Variants in DYSF observed in about 807,000 individuals in gnomAD.
DYSF encodes dystrophy-associated fer-1-like 1.
DYSF carries 212 observed loss-of-function variants against 274.9 expected under a neutral mutation model. The observed-to-expected ratio is 0.77, with a 90% CI of 0.69 to 0.86. DYSF has a LOEUF of 0.86. DYSF is among the 40% of genes least tolerant of loss of function. The probability of loss-of-function intolerance (pLI) is 0.00; values close to 1 mark genes in which losing one functional copy is unlikely to be tolerated. For synonymous variants in DYSF, 1,091 were observed against 1,078.7 expected (o/e 1.01, Z -0.22); for missense variants, 2,666 against 2,783.2 (o/e 0.96, Z 0.95).
At chr2:71,612,186 C>G (rs185171287) in intron 38 of DYSF, among the ~76,000 whole-genome samples, 2 of 152,204 alleles carry the variant, frequency 1.3e-5, no homozygotes, top group African/African-American at 4.8e-5. Flanking sequence ...CTTGGCCGAG[C>G]CAAAGCCGCC....
intron 17 of DYSF, among the ~76,000 whole-genome samples, chr2:71,544,886 T>C (rs187864732): frequency 4.3e-4 from 65 of 152,350 alleles, no homozygotes; most frequent in African/African-American, 1.5e-3. Flanking sequence ...ATATGCCTTC[T>C]GTCAGGGGCT....
In DYSF at chr2:71,520,921, G is replaced by A. The variant is rs760153119; in HGVS notation, c.1149+17G>A. Reference sequence around the variant, plus strand: ...GAAGCGCCTGTGAGTACATTTCCCTGGGTCTTCCTTACGGTCCCCCACGCG... The same window carrying A: ...GAAGCGCCTGTGAGTACATTTCCCTAGGTCTTCCTTACGGTCCCCCACGCG... On this transcript the variant is annotated intron_variant, in intron 12 of 55. Transcript: ENST00000410020. The A allele has an allele frequency of 1.6e-5, 25 of 1,612,874 alleles. No individual in the cohort carries two copies. Among genetic ancestry groups the A allele is most frequent in the Non-Finnish European group, 2.0e-5 (24 of 1,178,960 alleles).
chr2:71,621,898 A>G lies in DYSF; in HGVS notation c.4527+1289A>G, dbSNP rs143985687. Among the ~76,000 whole-genome samples the G allele has an allele frequency of 3.1e-3, 468 of 152,056 alleles. 1 individual carries two copies. The highest frequency in any genetic ancestry group is 8.1e-3 in the African/African-American group (338 of 41,522). Reference sequence around the variant, plus strand: ...CTGGTCTCGGACTCCTGATCTCATGATCTGCCCGCCTCGGCCTCCCAAAGT... The same window carrying G: ...CTGGTCTCGGACTCCTGATCTCATGGTCTGCCCGCCTCGGCCTCCCAAAGT... On this transcript the variant is annotated intron_variant, in intron 41 of 55. Transcript: ENST00000410020.
At chr2:71,585,411 A>G (rs942392347) in intron 30 of DYSF, among the ~76,000 whole-genome samples, 11 of 152,196 alleles carry the variant, frequency 7.2e-5, no homozygotes, top group African/African-American at 2.4e-4. Flanking sequence ...AATGCCTGGC[A>G]CAGAGTAGGT....
intron 17 of DYSF, among the ~76,000 whole-genome samples, chr2:71,544,372 G>A (rs530330976): frequency 1.3e-5 from 2 of 152,008 alleles, no homozygotes; most frequent in Non-Finnish European, 2.9e-5. Context: ...GCTGGAGATC[G>A]TCTCCAGATT....
chr2:71,650,192 C>T (rs2094631800), intron 42 of DYSF, among the ~76,000 whole-genome samples: 1 of 152,132 alleles, frequency 6.6e-6, no homozygotes, highest in Non-Finnish European at 1.5e-5. Context: ...ACAAAAATGT[C>T]AGAGGAGGCC....
At chr2:71,506,529 C>G (rs931608015) in intron 4 of DYSF, among the ~76,000 whole-genome samples, 2 of 152,144 alleles carry the variant, frequency 1.3e-5, no homozygotes, top group African/African-American at 4.8e-5. Context: ...GCGCGGGACC[C>G]GTGACGTGGA....
upstream of DYSF, among the ~76,000 whole-genome samples, chr2:71,462,472 C>T (rs1423706469): frequency 6.6e-6 from 1 of 152,222 alleles, no homozygotes; most frequent in African/African-American, 2.4e-5. Context: ...GTTCTCGTTG[C>T]CTGCAACATG....
At chr2:71,483,884 C>G (rs1296490349) in intron 3 of DYSF, among the ~76,000 whole-genome samples, 1 of 151,876 alleles carries the variant, frequency 6.6e-6, no homozygotes, top group Non-Finnish European at 1.5e-5. Flanking sequence ...TGGTGTTGGT[C>G]TCTTCTGGAG....
chr2:71,496,471 A>G (rs1400572756), intron 3 of DYSF, among the ~76,000 whole-genome samples: 1 of 152,166 alleles, frequency 6.6e-6, no homozygotes, highest in African/African-American at 2.4e-5. Context: ...CAGGGTAAAC[A>G]GGCCTGGGGA....
chr2:71,616,244 T>C lies in DYSF; in HGVS notation c.4464+2834T>C, dbSNP rs374670925. Among the ~76,000 whole-genome samples the C allele has an allele frequency of 7.2e-5, 11 of 152,266 alleles. No homozygotes were observed. In the South Asian group the frequency reaches 1.2e-3, roughly 17 times the overall value. Reference sequence around the variant, plus strand: ...TCAAAACGTGTATAAGGCAGGTCTGTGCTCAGCATCCCAGGGCTCGTAGAT... The same window carrying C: ...TCAAAACGTGTATAAGGCAGGTCTGCGCTCAGCATCCCAGGGCTCGTAGAT... On this transcript the variant is annotated intron_variant, in intron 40 of 55. Transcript: ENST00000410020.
intron 32 of DYSF, among the ~76,000 whole-genome samples, chr2:71,592,123 C>T (rs1171864909): frequency 5.3e-5 from 8 of 152,118 alleles, no homozygotes; most frequent in Admixed American, 2.0e-4. Flanking sequence ...GTGCCGGGAG[C>T]GGGTTTGTGA....
At chr2:71,571,493 C>A (rs560469391) in intron 29 of DYSF, among the ~76,000 whole-genome samples, 1 of 124,358 alleles carries the variant, frequency 8.0e-6, no homozygotes, top group Non-Finnish European at 1.6e-5. Flanking sequence ...ACACCCAGCA[C>A]GCACAGATCA....
rs371739379 is a variant in DYSF at position 71,480,843 on chromosome 2, G to A, written c.92-40G>A. The A allele has an allele frequency of 1.0e-5, 16 of 1,589,666 alleles. No individual in the cohort carries two copies. In the African/African-American group the frequency reaches 1.1e-4, roughly 11 times the overall value. ...CCTAACTCAGCGGAAGGTGAAAGGC[G>A]GGATGTGTCTCTCCATTCTCCCTTT... On this transcript the variant is annotated intron_variant, in intron 1 of 55. Transcript: ENST00000410020.
intron 30 of DYSF, among the ~76,000 whole-genome samples, chr2:71,580,363 T>C (rs929150344): frequency 6.6e-6 from 1 of 152,040 alleles, no homozygotes; most frequent in African/African-American, 2.4e-5. Context: ...GCAAGGCCAG[T>C]TGGGAGTCAG....
intron 20 of DYSF, 35 bp downstream of exon 20, chr2:71,553,223 A>C (rs933510412): frequency 1.9e-6 from 3 of 1,613,246 alleles, no homozygotes; most frequent in Non-Finnish European, 2.5e-6. Context: ...CCCCGATCAC[A>C]GGATCATAGA....
At chr2:71,545,396 G>A (rs1192552152) in intron 17 of DYSF, among the ~76,000 whole-genome samples, 2 of 152,224 alleles carry the variant, frequency 1.3e-5, no homozygotes, top group South Asian at 4.1e-4. Flanking sequence ...TCCCAGAAAC[G>A]ACCTTCCTGA....
At chr2:71,654,397 G>A (rs971350130) in intron 42 of DYSF, among the ~76,000 whole-genome samples, 48 of 152,226 alleles carry the variant, frequency 3.2e-4, no homozygotes, top group African/African-American at 1.1e-3. Flanking sequence ...TTCTTTTTCT[G>A]GGAGCTTATA....
intron 54 of DYSF, 26 bp downstream of exon 54, chr2:71,681,136 A>G (rs373731389): frequency 2.2e-5 from 36 of 1,600,164 alleles, no homozygotes; most frequent in African/African-American, 4.0e-5. Context: ...CTGAGCCCCA[A>G]TGCCCACAGG....
Sources: gnomAD v4.1 joint callset for allele counts (sites outside exome capture counted in the v4.1 genomes callset) on GRCh38, gnomAD v4.1.1 for gene constraint, MANE v1.5 for transcripts, NCBI Gene and HGNC (gene_info 2026-07-23, HGNC 2026-07-21) for gene names.